GPM6A: variants seen among roughly 807,000 people sequenced by gnomAD.
GPM6A encodes the protein neuronal membrane glycoprotein M6-a.
A neutral mutation model predicts 32.1 loss-of-function variants in GPM6A; 7 were observed. The observed-to-expected ratio is 0.22, with a 90% CI of 0.12 to 0.41. GPM6A has a LOEUF of 0.41. Ranked by LOEUF, GPM6A falls within the 10% of genes least tolerant of loss-of-function variation. The probability of loss-of-function intolerance (pLI) is 1.00; values close to 1 mark genes in which losing one functional copy is unlikely to be tolerated. For synonymous variants in GPM6A, 130 were observed against 123.4 expected (o/e 1.05, Z -0.35); for missense variants, 235 against 347.2 (o/e 0.68, Z 2.57).
At chr4:175,762,136 G>A (rs1261860570) in intron 1 of GPM6A, among the ~76,000 whole-genome samples, 2 of 152,172 alleles carry the variant, frequency 1.3e-5, no homozygotes, top group South Asian at 2.1e-4. Context: ...GAGTTCTTCA[G>A]ATGCAAGTGT....
At chr4:175,995,575 C>T (rs1237408955) in intron 1 of GPM6A, among the ~76,000 whole-genome samples, 2 of 152,056 alleles carry the variant, frequency 1.3e-5, no homozygotes, top group African/African-American at 4.8e-5. Context: ...CTTCCTGCCT[C>T]ATCATCAGTC....
At chr4:175,687,990 A>G (rs973445299) in intron 2 of GPM6A, among the ~76,000 whole-genome samples, 24 of 152,190 alleles carry the variant, frequency 1.6e-4, no homozygotes, top group African/African-American at 5.5e-4. Context: ...TCTTCTTTGG[A>G]GAAATACCTA....
At chr4:175,844,423 G>A (rs557726081) in intron 1 of GPM6A, among the ~76,000 whole-genome samples, 31 of 152,078 alleles carry the variant, frequency 2.0e-4, no homozygotes, top group South Asian at 1.2e-3. Context: ...TTCCAACGGT[G>A]ACATGGTTCC....
intron 1 of GPM6A, among the ~76,000 whole-genome samples, chr4:175,825,688 A>G (rs762428576): frequency 1.3e-5 from 2 of 152,192 alleles, no homozygotes; most frequent in Non-Finnish European, 2.9e-5. Flanking sequence ...AATCTCTACT[A>G]TGAAATGGTC....
intron 1 of GPM6A, among the ~76,000 whole-genome samples, chr4:175,941,682 G>A (rs1739416893): frequency 6.6e-6 from 1 of 151,852 alleles, no homozygotes; most frequent in Non-Finnish European, 1.5e-5. Context: ...TGAGAATGAT[G>A]GTTTCATCCA....
intron 2 of GPM6A, among the ~76,000 whole-genome samples, chr4:175,675,840 C>T (rs150837340): frequency 1.3e-4 from 19 of 151,884 alleles, no homozygotes; most frequent in African/African-American, 3.4e-4. Context: ...TTTGTAGAGA[C>T]GGGGTTTTGC....
At chr4:175,754,931 T>TTTCC (rs1732471410) in intron 1 of GPM6A, among the ~76,000 whole-genome samples, 1 of 151,988 alleles carries the variant, frequency 6.6e-6, no homozygotes, top group Non-Finnish European at 1.5e-5. Flanking sequence ...TTCTGTGTCC[T>TTTCC]TTCCTTCCTT....
intron 1 of GPM6A, among the ~76,000 whole-genome samples, chr4:175,764,506 A>G (rs1178093102): frequency 6.6e-6 from 1 of 152,196 alleles, no homozygotes; most frequent in African/African-American, 2.4e-5. Context: ...GTCATGTGAT[A>G]GGCTTCTTTT....
At chr4:175,866,098 A>G (rs1167513664) in intron 1 of GPM6A, among the ~76,000 whole-genome samples, 1 of 152,208 alleles carries the variant, frequency 6.6e-6, no homozygotes, top group Non-Finnish European at 1.5e-5. Context: ...ATCTATTGCC[A>G]TAATGTTTGC....
intron 1 of GPM6A, among the ~76,000 whole-genome samples, chr4:175,707,077 G>T (rs903300899): frequency 6.6e-6 from 1 of 152,166 alleles, no homozygotes; most frequent in African/African-American, 2.4e-5. Flanking sequence ...AAAAACTCAT[G>T]AATTATCCAC....
chr4:175,988,603 CTAT>C (rs774503762), intron 1 of GPM6A, among the ~76,000 whole-genome samples: 1 of 152,150 alleles, frequency 6.6e-6, no homozygotes, highest in African/African-American at 2.4e-5. Flanking sequence ...AAGGAACTGG[CTAT>C]TTCAGTCCTT....
intron 1 of GPM6A, among the ~76,000 whole-genome samples, chr4:175,909,042 C>CCG (rs144415625): frequency 6.9e-4 from 39 of 56,666 alleles, no homozygotes; most frequent in African/African-American, 2.8e-3. Flanking sequence ...AAAAAAAGGG[C>CCG]GGGGGGGGGG....
At chr4:175,766,780 G>A (rs778348321) in intron 1 of GPM6A, among the ~76,000 whole-genome samples, 2 of 150,554 alleles carry the variant, frequency 1.3e-5, no homozygotes, top group East Asian at 2.0e-4. Flanking sequence ...TCATCCTCCC[G>A]AGTAGCTGGA....
At chr4:175,880,920 A>G (rs1737252669) in intron 1 of GPM6A, among the ~76,000 whole-genome samples, 1 of 152,110 alleles carries the variant, frequency 6.6e-6, no homozygotes, top group African/African-American at 2.4e-5. Context: ...GTCCAACACT[A>G]TGTTGAATAG....
At chr4:175,854,083 T>C (rs115450662) in intron 1 of GPM6A, among the ~76,000 whole-genome samples, 132 of 152,250 alleles carry the variant, frequency 8.7e-4, no homozygotes, top group African/African-American at 3.1e-3. Flanking sequence ...TTTTTGAAAG[T>C]TCTGAGGATA....
At chr4:175,778,494 G>A (rs553675879) in intron 1 of GPM6A, among the ~76,000 whole-genome samples, 33 of 151,660 alleles carry the variant, frequency 2.2e-4, no homozygotes, top group African/African-American at 3.4e-4. Context: ...GCGTGGTGGC[G>A]TGCACCTGTA....
chr4:175,635,935 T>C (rs1740553529), intron 6 of GPM6A, among the ~76,000 whole-genome samples: 1 of 151,924 alleles, frequency 6.6e-6, no homozygotes, highest in South Asian at 2.1e-4. Flanking sequence ...CACTAAGATT[T>C]TGATAATTAG....
chr4:175,934,716 C>T (rs59648724), intron 1 of GPM6A, among the ~76,000 whole-genome samples: 1,869 of 152,172 alleles, frequency 0.012, 42 homozygotes, highest in African/African-American at 0.041. Flanking sequence ...TCACAGAACG[C>T]GAGGGTAATA....
intron 1 of GPM6A, among the ~76,000 whole-genome samples, chr4:175,943,126 G>A (rs1275425086): frequency 1.3e-5 from 2 of 152,040 alleles, no homozygotes; most frequent in South Asian, 2.1e-4. Context: ...CCTAGGTATT[G>A]TATTCTCTTT....
Sources: allele counts gnomAD v4.1 joint callset (sites outside exome capture counted in the v4.1 genomes callset), GRCh38; gene constraint gnomAD v4.1.1; transcripts MANE v1.5; gene names NCBI Gene and HGNC (gene_info 2026-07-23, HGNC 2026-07-21).